ZNF608: variants seen among roughly 807,000 people sequenced by gnomAD.
ZNF608 encodes zinc finger protein 608, also known as renal carcinoma antigen NY-REN-36.
Under a neutral mutation model 109.0 loss-of-function variants are expected in ZNF608, and 12 were observed. The observed-to-expected ratio is 0.11, with a 90% CI of 0.07 to 0.18. The LOEUF is 0.18. ZNF608 is among the 10% of genes least tolerant of loss of function. The probability of loss-of-function intolerance (pLI) is 1.00; values close to 1 mark genes in which losing one functional copy is unlikely to be tolerated. For missense variants in ZNF608, 1,707 were observed against 1,879.3 expected, an observed-to-expected ratio of 0.91 and a Z score of 1.70; for synonymous variants, 732 against 717.4, an observed-to-expected ratio of 1.02 and a Z score of -0.33.
chr5:124,669,407 G>C (rs1283133324), intron 3 of ZNF608, among the ~76,000 whole-genome samples: 2 of 152,154 alleles, frequency 1.3e-5, no homozygotes, highest in Non-Finnish European at 2.9e-5. Context: ...CATGGCATCA[G>C]CCACCACACG....
At chr5:124,728,221 C>T (rs539153328) in intron 2 of ZNF608, among the ~76,000 whole-genome samples, 6 of 152,104 alleles carry the variant, frequency 3.9e-5, no homozygotes, top group African/African-American at 7.2e-5. Flanking sequence ...AGTCGACTCA[C>T]GATGGGATTG....
intron 4 of ZNF608, 114 bp downstream of exon 4, chr5:124,649,496 C>A (rs1750688114): frequency 1.1e-5 from 9 of 817,908 alleles, no homozygotes; most frequent in Middle Eastern, 3.4e-4. Context: ...TTGCTCATTT[C>A]TCCTTTGCCT....
chr5:124,655,633 G>T (rs539333278), intron 3 of ZNF608, among the ~76,000 whole-genome samples: 20 of 152,260 alleles, frequency 1.3e-4, no homozygotes, highest in African/African-American at 4.6e-4. Flanking sequence ...CTGATTTCAT[G>T]AGTACAGGAT....
chr5:124,638,901 A>G (rs1396181762), intron 9 of ZNF608: 1 of 914,178 alleles, frequency 1.1e-6, no homozygotes, highest in East Asian at 3.3e-5. Context: ...GAAAATTTCA[A>G]CTGTCTAAAA....
At chr5:124,724,108 G>A (rs1399678752) in intron 2 of ZNF608, among the ~76,000 whole-genome samples, 3 of 152,100 alleles carry the variant, frequency 2.0e-5, no homozygotes, top group Admixed American at 6.5e-5. Flanking sequence ...AAGTTGGGGG[G>A]CAATTAAATT....
At chr5:124,690,923 A>AC (rs1486235482) in intron 3 of ZNF608, among the ~76,000 whole-genome samples, 1,176 of 67,016 alleles carry the variant, frequency 0.018, 18 homozygotes, top group African/African-American at 0.067. Flanking sequence ...AGCAACAGAA[A>AC]AACACACACA....
chr5:124,651,181 G>C (rs746838647), intron 3 of ZNF608, among the ~76,000 whole-genome samples: 8 of 152,148 alleles, frequency 5.3e-5, no homozygotes, highest in Non-Finnish European at 1.0e-4. Context: ...AATTCCCTCA[G>C]GAAATTTTTT....
intron 7 of ZNF608, among the ~76,000 whole-genome samples, chr5:124,641,746 T>A (rs1346069005): frequency 6.6e-6 from 1 of 152,246 alleles, no homozygotes; most frequent in Non-Finnish European, 1.5e-5. Flanking sequence ...AAATAAGTAG[T>A]TTTGGAGATA....
rs757149460 is a variant in ZNF608 at position 124,744,119 on chromosome 5, T to TCTC, written c.868_870dup (p.Glu290dup). The TCTC allele has an allele frequency of 1.2e-6, 2 of 1,602,598 alleles. No individual in the cohort carries two copies. The highest frequency in any genetic ancestry group is 1.7e-5 in the Admixed American group (1 of 58,432). On this transcript the variant is annotated inframe_insertion, in exon 2 of 10. Transcript: ENST00000513986. The surrounding 1 kb of genome is among the most constrained non-coding windows in gnomAD (Gnocchi z 4.5). ...TTCAGTTTCTTGATTCGCCTGTGGC[T>TCTC]CTCCTCCTCCTCCTCTTCCTTCTTT... is the stretch of plus-strand genomic sequence containing the variant.
At chr5:124,727,090 A>G (rs1748643402) in intron 2 of ZNF608, among the ~76,000 whole-genome samples, 1 of 152,150 alleles carries the variant, frequency 6.6e-6, no homozygotes, top group Admixed American at 6.5e-5. Context: ...CCCTTTACCT[A>G]TAGTTCCTAG....
Position 124,744,385 on chromosome 5 carries a change from T to C in ZNF608, c.605A>G (p.Lys202Arg). The C allele has an allele frequency of 6.2e-7, 1 of 1,614,270 alleles. No individual in the cohort carries two copies. Among genetic ancestry groups the C allele is most frequent in the Non-Finnish European group, 8.5e-7 (1 of 1,180,050 alleles). ...GGATTTCCCCGCATCCTTATCCCGC[T>C]TGGCGCCTCGGCTGCTCTGGCTTTT... ...PGKSQSSRGA[K>R]RDKDAGKSRK... is the part of the protein sequence containing the mutation. The change falls in exon 2 of 10, where the codon AAG becomes AGG. Residue 202 changes from lysine to arginine, a missense_variant. Lys to Arg is a conservative substitution (Grantham distance 26). Coordinates refer to ENST00000513986, the MANE Select transcript of ZNF608 (RefSeq NM_020747.3). The surrounding 1 kb of genome is among the most constrained non-coding windows in gnomAD (Gnocchi z 4.5).
At chr5:124,747,189 G>T (rs1271102413), upstream of ZNF608, among the ~76,000 whole-genome samples, 1 of 146,856 alleles carries the variant, frequency 6.8e-6, no homozygotes, top group Non-Finnish European at 1.5e-5. Flanking sequence ...TTTTTAAGGC[G>T]ACCCTTTTCG....
chr5:124,638,005 C>T (rs1580508520), intron 9 of ZNF608, 99 bp from the exon 10 acceptor site: 1 of 1,382,620 alleles, frequency 7.2e-7, no homozygotes, highest in Non-Finnish European at 1.0e-6. Flanking sequence ...GGCTAGAGTG[C>T]CATGGCTCAA....
chr5:124,705,590 A>G (rs1161004929), intron 2 of ZNF608, among the ~76,000 whole-genome samples: 1 of 152,188 alleles, frequency 6.6e-6, no homozygotes, highest in African/African-American at 2.4e-5. Context: ...ATATCCTACT[A>G]TATTTAACAT....
chr5:124,708,234 A>G (rs188894014), intron 2 of ZNF608, among the ~76,000 whole-genome samples: 127 of 152,352 alleles, frequency 8.3e-4, no homozygotes, highest in African/African-American at 2.8e-3. Context: ...TACCACATAT[A>G]GTGTAGGAGG....
At chr5:124,652,593 C>T (rs562690578) in intron 3 of ZNF608, among the ~76,000 whole-genome samples, 2 of 152,268 alleles carry the variant, frequency 1.3e-5, no homozygotes, top group Admixed American at 1.3e-4. Flanking sequence ...GGAATGAAGG[C>T]TTAAGGAATG....
At chr5:124,736,101 T>G (rs1749129320) in intron 2 of ZNF608, among the ~76,000 whole-genome samples, 1 of 152,200 alleles carries the variant, frequency 6.6e-6, no homozygotes, top group African/African-American at 2.4e-5. Flanking sequence ...AAGGGATAGT[T>G]TCTATTTGTT....
At chr5:124,721,369 CCTGTAAGAGGGCTCAGTGCTAGGCG>C (rs1753893229) in intron 2 of ZNF608, among the ~76,000 whole-genome samples, 1 of 152,112 alleles carries the variant, frequency 6.6e-6, no homozygotes, top group African/African-American at 2.4e-5. Flanking sequence ...CTGAGCATTT[CCTGTAAGAGGGCTCAGTGCTAGGCG>C]CTGGGGAGAT....
intron 1 of ZNF608, 88 bp from the exon 2 acceptor site, chr5:124,745,260 G>A: frequency 5.1e-6 from 6 of 1,187,576 alleles, no homozygotes; most frequent in Non-Finnish European, 6.4e-6. Context: ...CAGTAAAGGG[G>A]ACAGGGAAGG....
Sources: allele counts gnomAD v4.1 joint callset (sites outside exome capture counted in the v4.1 genomes callset), GRCh38; gene constraint gnomAD v4.1.1; non-coding constraint Gnocchi (gnomAD v3.1); transcripts MANE v1.5; gene names NCBI Gene and HGNC (gene_info 2026-07-23, HGNC 2026-07-21).